The following CPEB2 variants were observed in gnomAD, a reference collection of about 807,000 sequenced individuals.
CPEB2 encodes the protein cytoplasmic polyadenylation element binding protein 2.
CPEB2 carries 56 observed loss-of-function variants against 93.6 expected under a neutral mutation model. The observed-to-expected ratio is 0.60, with a 90% CI of 0.48 to 0.75. CPEB2 has a LOEUF of 0.75. Ranked by LOEUF, CPEB2 falls within the 30% of genes least tolerant of loss-of-function variation. The pLI, the probability that CPEB2 is intolerant of heterozygous loss-of-function variation, is 0.00. For synonymous variants in CPEB2, 764 were observed against 586.3 expected, an observed-to-expected ratio of 1.30 and a Z score of -4.38; for missense variants, 1,579 against 1,395.1, an observed-to-expected ratio of 1.13 and a Z score of -2.10.
At chr4:15,029,334 TG>T (rs1725836905) in intron 4 of CPEB2, among the ~76,000 whole-genome samples, 1 of 152,098 alleles carries the variant, frequency 6.6e-6, no homozygotes, top group Non-Finnish European at 1.5e-5. Flanking sequence ...CGACTGTATA[TG>T]TTATATACAA....
At chr4:15,012,272 T>G (rs141555390) in intron 3 of CPEB2, among the ~76,000 whole-genome samples, 1 of 152,314 alleles carries the variant, frequency 6.6e-6, no homozygotes, top group East Asian at 1.9e-4. Context: ...GCTTTAATTG[T>G]TCTTGAAATG....
At chr4:15,065,526 C>T (rs1487053775) in intron 11 of CPEB2, among the ~76,000 whole-genome samples, 1 of 152,096 alleles carries the variant, frequency 6.6e-6, no homozygotes, top group Non-Finnish European at 1.5e-5. Flanking sequence ...ACAACTCTGA[C>T]AGGATCTGTT....
At chr4:15,064,221 A>G (rs539261709) in intron 11 of CPEB2, among the ~76,000 whole-genome samples, 1 of 152,260 alleles carries the variant, frequency 6.6e-6, no homozygotes, top group East Asian at 1.9e-4. Context: ...CATAAGTAGT[A>G]TAATTCACTG....
At chr4:15,011,496 A>G (rs552773427) in intron 3 of CPEB2, among the ~76,000 whole-genome samples, 20 of 152,248 alleles carry the variant, frequency 1.3e-4, no homozygotes, top group African/African-American at 4.1e-4. Context: ...AAAAGTTTGA[A>G]TTCTAAATTA....
chr4:15,034,715 G>A (rs891253014), intron 5 of CPEB2, among the ~76,000 whole-genome samples: 1 of 152,150 alleles, frequency 6.6e-6, no homozygotes, highest in Admixed American at 6.6e-5. Context: ...TCGGATCATT[G>A]GTTGAGAGTG....
chr4:15,033,304 A>G, intron 5 of CPEB2, 93 bp downstream of exon 5: 1 of 795,652 alleles, frequency 1.3e-6, no homozygotes, highest in Non-Finnish European at 2.1e-6. Context: ...CACACAATTT[A>G]ATCATTCTAT....
At chr4:15,061,766 A>T (rs7675235) in intron 10 of CPEB2, among the ~76,000 whole-genome samples, 13,677 of 143,960 alleles carry the variant, frequency 0.095, 1,387 homozygotes, top group African/African-American at 0.25. Context: ...GTGAGAGTGT[A>T]TGGGATCTAG....
intron 6 of CPEB2, among the ~76,000 whole-genome samples, chr4:15,046,289 G>T (rs893448373): frequency 6.6e-6 from 1 of 152,012 alleles, no homozygotes. Flanking sequence ...GCAATGGCCC[G>T]ATCTCGGCTC....
chr4:15,042,082 G>T (rs1182175481), intron 6 of CPEB2, among the ~76,000 whole-genome samples: 3 of 152,144 alleles, frequency 2.0e-5, no homozygotes. Context: ...TAGTAATGGA[G>T]CTTCAGTTCT....
At chr4:15,032,585 T>C (rs1289899075) in intron 4 of CPEB2, among the ~76,000 whole-genome samples, 1 of 152,080 alleles carries the variant, frequency 6.6e-6, no homozygotes, top group African/African-American at 2.4e-5. Flanking sequence ...TAATCATTTA[T>C]AAACTTTGAA....
At chr4:15,042,400 A>AT (rs1323486600) in intron 6 of CPEB2, among the ~76,000 whole-genome samples, 1 of 152,058 alleles carries the variant, frequency 6.6e-6, no homozygotes, top group Non-Finnish European at 1.5e-5. Flanking sequence ...ATATATCTCT[A>AT]TCCCCCGTAA....
intron 3 of CPEB2, among the ~76,000 whole-genome samples, chr4:15,014,434 T>TA (rs1433583492): frequency 6.6e-6 from 1 of 152,040 alleles, no homozygotes; most frequent in African/African-American, 2.4e-5. Flanking sequence ...CATTACAGCT[T>TA]ACATTTTATA....
intron 3 of CPEB2, among the ~76,000 whole-genome samples, chr4:15,015,678 A>G (rs1011597814): frequency 6.6e-6 from 1 of 152,036 alleles, no homozygotes; most frequent in Non-Finnish European, 1.5e-5. Context: ...GATGAAAGCT[A>G]TAAACCTTTT....
intron 6 of CPEB2, among the ~76,000 whole-genome samples, chr4:15,047,914 G>GT (rs567657399): frequency 0.15 from 20,883 of 139,666 alleles, 2,305 homozygotes; most frequent in South Asian, 0.36. Flanking sequence ...GGGAGTTGTG[G>GT]TTTTTTTTTT....
rs1553863065 is a variant in CPEB2, at chr4:15,069,351, AAC to A, written c.*2973_*2974del. 3.9e-5 allele frequency: 6 copies of A among 152,300 alleles called. No individual in the cohort carries two copies. Among genetic ancestry groups the A allele is most frequent in the Non-Finnish European group, 8.8e-5 (6 of 67,844 alleles). The allele number at this position is 152,300 out of a possible 1,614,324, so 9.4% of individuals were successfully genotyped here. On this transcript the variant is annotated 3_prime_UTR_variant, in exon 12 of 12. Coordinates refer to ENST00000538197, the MANE Select transcript of CPEB2 (RefSeq NM_001177382.2). ...TGTTTCTAATGTTTGTATAAAAAAA[AAC>A]AGTGTAAACCTTTTTAATGCAAATT...
intron 3 of CPEB2, among the ~76,000 whole-genome samples, chr4:15,013,208 G>T (rs1723710231): frequency 6.6e-6 from 1 of 151,896 alleles, no homozygotes; most frequent in South Asian, 2.1e-4. Context: ...AATAAAAGAG[G>T]TTATGCCTTT....
At chr4:15,061,548 T>TAA (rs1007901191) in intron 10 of CPEB2, among the ~76,000 whole-genome samples, 1 of 149,798 alleles carries the variant, frequency 6.7e-6, no homozygotes, top group African/African-American at 2.5e-5. Context: ...AAGAGTTGAA[T>TAA]AAAGAGAAAG....
rs2108929058 is a variant in CPEB2, at chr4:15,002,994, G to A, written c.321G>A (p.Arg107=). 1 of 1,499,844 alleles carries A rather than the reference G, an allele frequency of 6.7e-7. No individual in the cohort carries two copies. The highest frequency in any genetic ancestry group is 8.8e-7 in the Non-Finnish European group (1 of 1,135,554). The allele number at this position is 1,499,844 out of a possible 1,614,324, so 92.9% of individuals were successfully genotyped here. A position where few individuals can be genotyped will look rare whatever the true frequency, so the allele number is the denominator to read the frequency against. Residue 107 remains arginine (R), a synonymous_variant, in exon 1 of 12, where the codon CGG becomes CGA. Transcript: ENST00000538197. ...TGGGGCTGACACAGCAGCCGGCGCG[G>A]CCGCTTTCGGGGGCGGCGGCCACGG... ...LLLGLTQQPA[R]PLSGAAATEK...
intron 6 of CPEB2, among the ~76,000 whole-genome samples, chr4:15,045,839 A>C (rs933307812): frequency 2.7e-4 from 41 of 152,312 alleles, no homozygotes; most frequent in Non-Finnish European, 4.4e-4. Context: ...TTTCATAAGT[A>C]ATTACTTTTA....
Sources: allele counts gnomAD v4.1 joint callset (sites outside exome capture counted in the v4.1 genomes callset), GRCh38; gene constraint gnomAD v4.1.1; transcripts MANE v1.5; gene names NCBI Gene and HGNC (gene_info 2026-07-23, HGNC 2026-07-21).